Variants in MMD2 observed in about 807,000 individuals in gnomAD.
The protein encoded by MMD2 is monocyte to macrophage differentiation associated 2.
A neutral mutation model predicts 33.5 loss-of-function variants in MMD2; 30 were observed. That is an observed-to-expected ratio of 0.90 (90% CI 0.67 to 1.22). MMD2 has a LOEUF of 1.22. Among genes scored for constraint, MMD2 ranks in the 50% most tolerant of loss-of-function variants. The pLI is 0.00. For missense variants in MMD2, 364 were observed against 325.4 expected, an observed-to-expected ratio of 1.12 and a Z score of -0.91; for synonymous variants, 129 against 123.0, an observed-to-expected ratio of 1.05 and a Z score of -0.32.
the MMD2 span, among the ~76,000 whole-genome samples, chr7:4,893,522 G>A: frequency 1.3e-5 from 2 of 151,944 alleles, no homozygotes; most frequent in Non-Finnish European, 2.9e-5. Flanking sequence ...ATCCCAAGTA[G>A]CTGGGATTAC....
chr7:4,897,479 G>A, the MMD2 span, among the ~76,000 whole-genome samples: 1 of 152,094 alleles, frequency 6.6e-6, no homozygotes, highest in Non-Finnish European at 1.5e-5. Context: ...AGACATTATA[G>A]GTCTATAAAA....
chr7:4,903,132 A>G (rs375292930), downstream of MMD2, among the ~76,000 whole-genome samples: 4 of 152,034 alleles, frequency 2.6e-5, no homozygotes, highest in African/African-American at 9.7e-5. Flanking sequence ...CAGCTACTCG[A>G]GAGGCTGAGG....
chr7:4,942,834 C>A (rs955650939), intron 1 of MMD2, among the ~76,000 whole-genome samples: 3 of 151,582 alleles, frequency 2.0e-5, no homozygotes, highest in African/African-American at 7.3e-5. Context: ...TCAGGCTGGT[C>A]TTGAACTTCT....
rs925640808 is a variant in MMD2 at position 4,946,893 on chromosome 7, G to A, written c.47+12078C>T. Among the ~76,000 whole-genome samples the A allele has an allele frequency of 6.6e-5, 10 of 152,178 alleles. No homozygotes were observed. The highest frequency in any genetic ancestry group is 3.4e-3 in the Middle Eastern group (1 of 294). On this transcript the variant is annotated intron_variant, in intron 1 of 6. Transcript: ENST00000401401. The surrounding 1 kb of genome is among the most constrained non-coding windows in gnomAD (Gnocchi z 5.0). ...GCCACACTACTAGAAAGAAATACCT[G>A]AGACTGGGTAATTCATAAAGAAAAG...
intron 1 of MMD2, among the ~76,000 whole-genome samples, chr7:4,943,327 T>G (rs1317716513): frequency 6.6e-6 from 1 of 152,032 alleles, no homozygotes; most frequent in East Asian, 1.9e-4. Context: ...GTATTTTTAG[T>G]AAACACGGGC....
chr7:4,898,062 C>T, the MMD2 span, among the ~76,000 whole-genome samples: 1 of 152,088 alleles, frequency 6.6e-6, no homozygotes, highest in Non-Finnish European at 1.5e-5. Context: ...GCCTTCTAAA[C>T]CCTCCTGACC....
rs192570978 is a variant in MMD2 at position 4,941,985 on chromosome 7, G to A, written c.48-16453C>T. Among the ~76,000 whole-genome samples, 364 of 151,930 alleles carry A rather than the reference G, an allele frequency of 2.4e-3. 2 individuals are homozygous for A. The highest frequency in any genetic ancestry group is 3.9e-3 in the Non-Finnish European group (267 of 67,956). On this transcript the variant is annotated intron_variant, in intron 1 of 6. Coordinates refer to ENST00000401401, the MANE Select transcript of MMD2 (RefSeq NM_198403.4). ...TTATATATTTTTGAGATGAAGTCTC[G>A]CCCTGTTGCCCAAGCTGAAGTGCTG...
chr7:4,895,148 G>T, the MMD2 span, among the ~76,000 whole-genome samples: 1 of 151,140 alleles, frequency 6.6e-6, no homozygotes, highest in Non-Finnish European at 1.5e-5. Context: ...CCCAATCTCG[G>T]CTCACTGCAA....
chr7:4,938,490 T>C (rs763436415), intron 1 of MMD2, among the ~76,000 whole-genome samples: 23 of 152,110 alleles, frequency 1.5e-4, no homozygotes, highest in Non-Finnish European at 3.1e-4. Context: ...AAGCCACTAA[T>C]GCCTCACCCT....
chr7:4,909,778 C>T, intron 6 of MMD2, 103 bp downstream of exon 6: 8 of 1,493,276 alleles, frequency 5.4e-6, no homozygotes, highest in Non-Finnish European at 7.3e-6. Flanking sequence ...AGTTTCCCCG[C>T]CTGCCAAAGG....
chr7:4,910,385 C>T (rs907686116), intron 5 of MMD2, among the ~76,000 whole-genome samples: 5 of 152,128 alleles, frequency 3.3e-5, no homozygotes, highest in African/African-American at 1.2e-4. Flanking sequence ...AAATGACTTC[C>T]AGAGGTTCCT....
chr7:4,952,991 G>C (rs1222368218), intron 1 of MMD2, among the ~76,000 whole-genome samples: 1 of 148,924 alleles, frequency 6.7e-6, no homozygotes. Context: ...TTTGTTTTTT[G>C]TTTGTTTTTT....
intron 1 of MMD2, among the ~76,000 whole-genome samples, chr7:4,930,048 T>G (rs1422695691): frequency 6.7e-6 from 1 of 149,738 alleles, no homozygotes; most frequent in Non-Finnish European, 1.5e-5. Context: ...GGCGGGCATA[T>G]TACAAGGTCA....
chr7:4,957,699 G>C (rs1786425482), intron 1 of MMD2, among the ~76,000 whole-genome samples: 1 of 151,568 alleles, frequency 6.6e-6, no homozygotes, highest in Non-Finnish European at 1.5e-5. Flanking sequence ...CTGGTCAACA[G>C]AGTCAATCCG....
intron 6 of MMD2, chr7:4,909,606 A>T: frequency 9.1e-6 from 5 of 547,984 alleles, no homozygotes; most frequent in Admixed American, 2.8e-5. Context: ...CATCTGGCTA[A>T]TTTTTTTTTT....
intron 4 of MMD2, among the ~76,000 whole-genome samples, chr7:4,911,644 T>A (rs534848138): frequency 5.9e-5 from 9 of 151,652 alleles, no homozygotes; most frequent in Non-Finnish European, 1.3e-4. Context: ...TATTTTATTT[T>A]ATTTATTTTA....
chr7:4,941,552 C>T (rs1258265842), intron 1 of MMD2, among the ~76,000 whole-genome samples: 1 of 150,972 alleles, frequency 6.6e-6, no homozygotes, highest in Non-Finnish European at 1.5e-5. Context: ...ATCGCTTGAA[C>T]CTGGGAGGCG....
chr7:4,930,026 T>C (rs140099569), intron 1 of MMD2, among the ~76,000 whole-genome samples: 1 of 150,846 alleles, frequency 6.6e-6, no homozygotes, highest in Non-Finnish European at 1.5e-5. Context: ...TCCCAGCACT[T>C]TGGGAGGCCG....
chr7:4,929,244 C>T (rs1206290523), intron 1 of MMD2, among the ~76,000 whole-genome samples: 3 of 152,084 alleles, frequency 2.0e-5, no homozygotes, highest in Non-Finnish European at 2.9e-5. Flanking sequence ...CGAGCCCATT[C>T]GACAGATGAG....
Sources: allele counts gnomAD v4.1 joint callset (sites outside exome capture counted in the v4.1 genomes callset), GRCh38; gene constraint gnomAD v4.1.1; non-coding constraint Gnocchi (gnomAD v3.1); transcripts MANE v1.5; gene names NCBI Gene and HGNC (gene_info 2026-07-23, HGNC 2026-07-21).